INSR: variants seen among roughly 807,000 people sequenced by gnomAD.
INSR encodes the protein IR.
INSR carries 67 observed loss-of-function variants against 142.6 expected under a neutral mutation model. The observed-to-expected ratio is 0.47, with a 90% CI of 0.39 to 0.58. The LOEUF (loss-of-function observed/expected upper bound fraction) is 0.58, where lower values mean the gene tolerates loss of function less well. Ranked by LOEUF, INSR falls within the 20% of genes least tolerant of loss-of-function variation. INSR has a pLI of 0.00. For missense variants in INSR, 1,248 were observed against 1,833.2 expected (o/e 0.68, Z 5.83); for synonymous variants, 756 against 743.1 (o/e 1.02, Z -0.28).
intron 2 of INSR, among the ~76,000 whole-genome samples, chr19:7,262,292 G>A (rs1220432697): frequency 2.0e-5 from 3 of 152,090 alleles, no homozygotes; most frequent in Non-Finnish European, 2.9e-5. Context: ...CCAACATGGT[G>A]AAACCCCATC....
At chr19:7,188,629 T>C (rs1042573307) in intron 2 of INSR, among the ~76,000 whole-genome samples, 3 of 151,686 alleles carry the variant, frequency 2.0e-5, no homozygotes, top group African/African-American at 7.3e-5. Context: ...CCCAGCACTT[T>C]GAGAGGCTGA....
chr19:7,167,228 G>A (rs1973908608), intron 7 of INSR, among the ~76,000 whole-genome samples: 1 of 152,174 alleles, frequency 6.6e-6, no homozygotes, highest in African/African-American at 2.4e-5. Context: ...AGATTAGACT[G>A]TGTGTCAGTG....
intron 2 of INSR, among the ~76,000 whole-genome samples, chr19:7,196,798 C>A (rs571277872): frequency 4.0e-5 from 6 of 151,888 alleles, no homozygotes; most frequent in Non-Finnish European, 8.8e-5. Flanking sequence ...AAAAAATACT[C>A]AAGATTTATG....
Position 7,190,650 on chromosome 19 carries a change from G to A in INSR, c.653-6013C>T, listed in dbSNP as rs183901107. Among the ~76,000 whole-genome samples, 18 of 152,274 alleles carry A rather than the reference G, an allele frequency of 1.2e-4. No homozygotes were observed. The East Asian group carries it at 2.1e-3, about 18-fold the overall frequency. On this transcript the variant is annotated intron_variant, in intron 2 of 21. Coordinates refer to ENST00000302850, the MANE Select transcript of INSR (RefSeq NM_000208.4). ...CTCCCAAAGTGCTGGGATTACAGGC[G>A]TGAGCCACCGCGCCCAACCAATTCT...
chr19:7,245,609 C>T (rs575552792), intron 2 of INSR, among the ~76,000 whole-genome samples: 17 of 152,128 alleles, frequency 1.1e-4, no homozygotes, highest in Admixed American at 2.6e-4. Context: ...CCACCATGCC[C>T]GGCTAATTTT....
rs183714579 is a variant in INSR at position 7,157,343 on chromosome 19, G to A, written c.2030-4416C>T. Among the ~76,000 whole-genome samples the A allele has an allele frequency of 3.4e-3, 510 of 151,854 alleles. 1 individual carries two copies. The highest frequency in any genetic ancestry group is 0.02 in the South Asian group (98 of 4,810). On this transcript the variant is annotated intron_variant, in intron 9 of 21. Coordinates refer to ENST00000302850, the MANE Select transcript of INSR (RefSeq NM_000208.4). ...TTGGCCAGGCTGGTCTTGATCTCCC[G>A]ACCTCAGGTGATCCACCCGCCTTGG... is the stretch of plus-strand genomic sequence containing the variant.
At chr19:7,165,628 C>T (rs182827667) in intron 8 of INSR, among the ~76,000 whole-genome samples, 270 of 151,764 alleles carry the variant, frequency 1.8e-3, no homozygotes, top group East Asian at 0.017. Context: ...TTTGGGAGGC[C>T]GAGGCAGGAG....
intron 2 of INSR, among the ~76,000 whole-genome samples, chr19:7,244,847 C>CT (rs1294588881): frequency 1.3e-5 from 2 of 149,506 alleles, no homozygotes; most frequent in Non-Finnish European, 3.0e-5. Context: ...GCGAGCTGCA[C>CT]TTTTTTTCCT....
chr19:7,235,606 T>C (rs1394512448), intron 2 of INSR, among the ~76,000 whole-genome samples: 1 of 152,114 alleles, frequency 6.6e-6, no homozygotes, highest in Non-Finnish European at 1.5e-5. Context: ...TCCAACACTT[T>C]GGAAGGATGA....
rs145327900 is a variant in INSR, at chr19:7,123,242, C to A, written c.3259-253G>T. 599 of 465,804 alleles carry A rather than the reference C, an allele frequency of 1.3e-3. 9 individuals carry two copies. The East Asian group carries it at 0.021, about 16-fold the overall frequency. 28.9% of individuals were successfully genotyped at this position (465,804 alleles called of 1,614,324 possible). On this transcript the variant is annotated intron_variant, in intron 17 of 21. Transcript: ENST00000302850. Reference sequence around the variant, plus strand: ...AGAGTGCAGTGGCGTGATCTCGGCTCACTGCAACCTTTGCCTCCCGGGTTC... The same window carrying A: ...AGAGTGCAGTGGCGTGATCTCGGCTAACTGCAACCTTTGCCTCCCGGGTTC...
chr19:7,198,469 G>C (rs1021552090), intron 2 of INSR, among the ~76,000 whole-genome samples: 2 of 152,148 alleles, frequency 1.3e-5, no homozygotes, highest in Non-Finnish European at 1.5e-5. Context: ...AGCATCCACC[G>C]GGGTGGCTTA....
At chr19:7,135,635 T>G (rs180815270) in intron 13 of INSR, among the ~76,000 whole-genome samples, 1 of 150,206 alleles carries the variant, frequency 6.7e-6, no homozygotes, top group East Asian at 2.0e-4. Context: ...ATTAAATAGC[T>G]AGAGGTGGCT....
intron 14 of INSR, 97 bp downstream of exon 14, chr19:7,132,061 C>T (rs1972796369): frequency 2.7e-6 from 4 of 1,481,360 alleles, no homozygotes; most frequent in East Asian, 4.5e-5. Context: ...AGGCCAGGGC[C>T]AGCACCTGCG....
At chr19:7,143,875 G>A (rs1238125349) in intron 11 of INSR, among the ~76,000 whole-genome samples, 1 of 151,884 alleles carries the variant, frequency 6.6e-6, no homozygotes, top group Non-Finnish European at 1.5e-5. Flanking sequence ...GCCAACATGG[G>A]GAAACCCCGT....
At chr19:7,257,605 G>T (rs1232166169) in intron 2 of INSR, among the ~76,000 whole-genome samples, 1 of 150,754 alleles carries the variant, frequency 6.6e-6, no homozygotes, top group African/African-American at 2.4e-5. Flanking sequence ...TCAGTACAGT[G>T]CTCTACCCCA....
intron 1 of INSR, among the ~76,000 whole-genome samples, chr19:7,273,444 C>T (rs78138445): frequency 6.6e-6 from 1 of 152,012 alleles, no homozygotes; most frequent in African/African-American, 2.4e-5. Flanking sequence ...GGTTAATGGC[C>T]ACTCTTTGTA....
chr19:7,260,200 C>G (rs1977015323), intron 2 of INSR, among the ~76,000 whole-genome samples: 1 of 152,118 alleles, frequency 6.6e-6, no homozygotes, highest in African/African-American at 2.4e-5. Context: ...TGACTCGGAG[C>G]TGTAATCTCA....
At chr19:7,262,208 C>T (rs548356037) in intron 2 of INSR, among the ~76,000 whole-genome samples, 2 of 152,270 alleles carry the variant, frequency 1.3e-5, no homozygotes, top group South Asian at 2.1e-4. Context: ...CGGTAGCTCA[C>T]GCCTGTAATC....
chr19:7,227,431 C>T (rs1975821771), intron 2 of INSR, among the ~76,000 whole-genome samples: 1 of 152,058 alleles, frequency 6.6e-6, no homozygotes, highest in Admixed American at 6.6e-5. Context: ...CACTACCACA[C>T]CTGGTTAATT....
Sources: gnomAD v4.1 joint callset for allele counts (sites outside exome capture counted in the v4.1 genomes callset) on GRCh38, gnomAD v4.1.1 for gene constraint, MANE v1.5 for transcripts, NCBI Gene and HGNC (gene_info 2026-07-23, HGNC 2026-07-21) for gene names.